SNTG1: variants seen among roughly 807,000 people sequenced by gnomAD.
The protein encoded by SNTG1 is syntrophin gamma 1, also known as gamma-1-syntrophin.
SNTG1 carries 39 observed loss-of-function variants against 74.7 expected under a neutral mutation model. The observed-to-expected ratio is 0.52, with a 90% confidence interval of 0.40 to 0.68. SNTG1 has a LOEUF of 0.68. Ranked by LOEUF, SNTG1 falls within the 30% of genes least tolerant of loss-of-function variation. The pLI is 0.00. For synonymous variants in SNTG1, 254 were observed against 217.1 expected, an observed-to-expected ratio of 1.17 and a Z score of -1.49; for missense variants, 685 against 609.5, an observed-to-expected ratio of 1.12 and a Z score of -1.30.
chr8:50,620,982 C>T (rs112114626), intron 13 of SNTG1, among the ~76,000 whole-genome samples: 4,769 of 151,928 alleles, frequency 0.031, 116 homozygotes, highest in African/African-American at 0.056. Context: ...CAGAATTTGC[C>T]ATCAGAGCAA....
intron 15 of SNTG1, among the ~76,000 whole-genome samples, chr8:50,695,792 A>C (rs1282302492): frequency 6.6e-6 from 1 of 151,644 alleles, no homozygotes; most frequent in Non-Finnish European, 1.5e-5. Context: ...TTGCTGCAAA[A>C]GACATAATTG....
chr8:50,651,450 C>T (rs975327078), intron 13 of SNTG1, among the ~76,000 whole-genome samples: 2 of 151,994 alleles, frequency 1.3e-5, no homozygotes, highest in Non-Finnish European at 2.9e-5. Flanking sequence ...TATTTTTTAA[C>T]TTCATTTTGT....
At chr8:50,636,152 A>C (rs1027794458) in intron 13 of SNTG1, among the ~76,000 whole-genome samples, 3 of 151,156 alleles carry the variant, frequency 2.0e-5, no homozygotes, top group Non-Finnish European at 4.4e-5. Context: ...CTGGTATCCA[A>C]GTTGCAAGAC....
intron 1 of SNTG1, among the ~76,000 whole-genome samples, chr8:50,032,156 T>C (rs1817790918): frequency 6.6e-6 from 1 of 152,130 alleles, no homozygotes; most frequent in Non-Finnish European, 1.5e-5. Flanking sequence ...TTCTATTTTT[T>C]AGTAAATTGT....
At chr8:50,496,991 A>C (rs1469473373) in intron 8 of SNTG1, among the ~76,000 whole-genome samples, 1 of 151,468 alleles carries the variant, frequency 6.6e-6, no homozygotes, top group African/African-American at 2.4e-5. Context: ...GAAAAAAAAA[A>C]CACTATCTCA....
At chr8:50,426,399 G>A (rs2093163784) in intron 4 of SNTG1, among the ~76,000 whole-genome samples, 1 of 151,766 alleles carries the variant, frequency 6.6e-6, no homozygotes, top group African/African-American at 2.4e-5. Flanking sequence ...ACCCTGTGTA[G>A]GCCTAGGCTA....
chr8:50,594,615 G>A (rs1026790100), intron 13 of SNTG1, among the ~76,000 whole-genome samples: 1 of 152,004 alleles, frequency 6.6e-6, no homozygotes, highest in Non-Finnish European at 1.5e-5. Flanking sequence ...TTGGCAGCTG[G>A]AATTAAAAGT....
chr8:50,025,284 C>T (rs1817171052), intron 1 of SNTG1, among the ~76,000 whole-genome samples: 1 of 151,968 alleles, frequency 6.6e-6, no homozygotes, highest in African/African-American at 2.4e-5. Flanking sequence ...CTATAATAAC[C>T]CACTTTCTCA....
intron 13 of SNTG1, among the ~76,000 whole-genome samples, chr8:50,652,772 G>A (rs1015703253): frequency 2.0e-5 from 3 of 151,914 alleles, no homozygotes; most frequent in African/African-American, 7.3e-5. Context: ...ACTCCAGCCT[G>A]GATGACAGAG....
chr8:50,258,349 T>C lies in SNTG1; in HGVS notation c.-28+85714T>C, dbSNP rs111718862. 1.0e-3 allele frequency among the ~76,000 whole-genome samples: 156 copies of C among 152,282 alleles called. 1 individual carries two copies. Among genetic ancestry groups the C allele is most frequent in the African/African-American group, 3.3e-3 (137 of 41,568 alleles). ...TAATGTGTATACAAATAAAATATATTTTTGATGAAACATAAAATGTTCACT... is the reference window on the plus strand; with the variant it reads ...TAATGTGTATACAAATAAAATATATCTTTGATGAAACATAAAATGTTCACT... On this transcript the variant is annotated intron_variant, in intron 2 of 18. Coordinates refer to ENST00000642720, the MANE Select transcript of SNTG1 (RefSeq NM_018967.5).
chr8:50,792,664 C>T lies in SNTG1; in HGVS notation c.1396-7C>T, dbSNP rs184811126. The T allele has an allele frequency of 7.4e-4, 1,187 of 1,598,822 alleles. 2 individuals carry two copies. The highest frequency in any genetic ancestry group is 4.2e-3 in the Middle Eastern group (25 of 5,986). ...TGTTATCTGACCTGTTTCTCTTTCC[C>T]TTTCAGGAGTTGGAATTTTCTAATT... is the stretch of plus-strand genomic sequence containing the variant. On this transcript the variant is annotated splice_region_variant and splice_polypyrimidine_tract_variant and intron_variant, in intron 18 of 18. Coordinates refer to ENST00000642720, the MANE Select transcript of SNTG1 (RefSeq NM_018967.5).
At chr8:50,704,362 G>C (rs1335243801) in intron 15 of SNTG1, among the ~76,000 whole-genome samples, 2 of 152,170 alleles carry the variant, frequency 1.3e-5, no homozygotes, top group Non-Finnish European at 2.9e-5. Context: ...GTTAGTAAGA[G>C]ATGAAGCCAG....
chr8:50,686,517 T>C (rs1167209532), intron 15 of SNTG1, among the ~76,000 whole-genome samples: 1 of 152,262 alleles, frequency 6.6e-6, no homozygotes, highest in African/African-American at 2.4e-5. Context: ...TCTCCTTTCT[T>C]TTTCTCAGGT....
At chr8:50,206,399 G>T (rs2084239822) in intron 2 of SNTG1, among the ~76,000 whole-genome samples, 1 of 152,140 alleles carries the variant, frequency 6.6e-6, no homozygotes, top group African/African-American at 2.4e-5. Context: ...GAATGCTTGT[G>T]ATTTTTGAAC....
In SNTG1 at chr8:50,310,884, A is replaced by T. The variant is rs78718497; in HGVS notation, c.-27-83328A>T. Among the ~76,000 whole-genome samples, 966 of 152,342 alleles carry T rather than the reference A, an allele frequency of 6.3e-3. 6 individuals carry two copies. The highest frequency in any genetic ancestry group is 0.011 in the Non-Finnish European group (737 of 68,040). Reference sequence around the variant, plus strand: ...AAGAATGTATGTGTATAATTGAATCATGAAATGTCATAGCTAAATGGGGTC... The same window carrying T: ...AAGAATGTATGTGTATAATTGAATCTTGAAATGTCATAGCTAAATGGGGTC... On this transcript the variant is annotated intron_variant, in intron 2 of 18. Coordinates refer to ENST00000642720, the MANE Select transcript of SNTG1 (RefSeq NM_018967.5).
At chr8:50,106,980 T>C (rs1022443290) in intron 1 of SNTG1, among the ~76,000 whole-genome samples, 4 of 152,124 alleles carry the variant, frequency 2.6e-5, no homozygotes, top group Non-Finnish European at 4.4e-5. Flanking sequence ...AGTTTTATGA[T>C]TGGCAAGAGC....
chr8:50,537,607 G>A (rs1409779539), intron 11 of SNTG1, among the ~76,000 whole-genome samples: 1 of 151,874 alleles, frequency 6.6e-6, no homozygotes, highest in East Asian at 1.9e-4. Context: ...TAACTTGTAT[G>A]TATACTTTAT....
At chr8:50,714,451 A>G (rs2095470413) in intron 17 of SNTG1, among the ~76,000 whole-genome samples, 1 of 152,138 alleles carries the variant, frequency 6.6e-6, no homozygotes, top group Admixed American at 6.5e-5. Context: ...AATCAATATC[A>G]TGAAAATGGC....
intron 2 of SNTG1, among the ~76,000 whole-genome samples, chr8:50,263,366 G>T (rs150245174): frequency 6.6e-6 from 1 of 151,982 alleles, no homozygotes; most frequent in Non-Finnish European, 1.5e-5. Context: ...AATGACAAAC[G>T]TAAATCTAAC....
Sources: allele counts gnomAD v4.1 joint callset (sites outside exome capture counted in the v4.1 genomes callset), GRCh38; gene constraint gnomAD v4.1.1; transcripts MANE v1.5; gene names NCBI Gene and HGNC (gene_info 2026-07-23, HGNC 2026-07-21).